Variants in PTPRK observed in about 807,000 individuals in gnomAD.
PTPRK encodes the protein receptor-type tyrosine-protein phosphatase kappa.
In PTPRK, 75 loss-of-function variants were observed where a neutral mutation model predicts 178.0. The ratio of observed to expected loss-of-function variants is 0.42; its 90% CI spans 0.35 to 0.51. PTPRK has a LOEUF of 0.51. Among genes scored for constraint, PTPRK ranks in the 20% least tolerant of loss-of-function variants. PTPRK has a pLI of 0.02. For missense variants in PTPRK, 1,441 were observed against 1,797.8 expected (o/e 0.80, Z 3.59); for synonymous variants, 637 against 620.6 (o/e 1.03, Z -0.39).
At chr6:128,033,721 T>A (rs576667577) in intron 13 of PTPRK, among the ~76,000 whole-genome samples, 1 of 152,056 alleles carries the variant, frequency 6.6e-6, no homozygotes, top group Non-Finnish European at 1.5e-5. Flanking sequence ...AAAATAAAAT[T>A]GTTTAATTAG....
At chr6:128,082,299 G>A in intron 10 of PTPRK, 138 bp downstream of exon 10, 5 of 718,226 alleles carry the variant, frequency 7.0e-6, no homozygotes, top group East Asian at 5.4e-5. Flanking sequence ...TATTTAAAGT[G>A]CTTTCATTTA....
chr6:128,495,829 C>G (rs1388389282), intron 1 of PTPRK, among the ~76,000 whole-genome samples: 1 of 152,174 alleles, frequency 6.6e-6, no homozygotes, highest in South Asian at 2.1e-4. Context: ...ACGCCTCTTC[C>G]CCAGCCATAG....
chr6:128,347,695 G>A (rs542107896), intron 2 of PTPRK, among the ~76,000 whole-genome samples: 145 of 151,984 alleles, frequency 9.5e-4, no homozygotes, highest in African/African-American at 3.2e-3. Flanking sequence ...GTTTTTCCTC[G>A]TGTAAAACAT....
chr6:128,123,567 TG>T (rs563465777), intron 7 of PTPRK, among the ~76,000 whole-genome samples: 6 of 152,232 alleles, frequency 3.9e-5, no homozygotes, highest in Non-Finnish European at 8.8e-5. Context: ...TACATTAACA[TG>T]GTATGTTTGT....
chr6:128,376,054 G>A (rs1837027496), intron 2 of PTPRK, among the ~76,000 whole-genome samples: 1 of 152,074 alleles, frequency 6.6e-6, no homozygotes, highest in Non-Finnish European at 1.5e-5. Context: ...GCTTTTCCAG[G>A]CACACAATGC....
chr6:128,463,216 C>T (rs1307659224), intron 1 of PTPRK, among the ~76,000 whole-genome samples: 1 of 152,150 alleles, frequency 6.6e-6, no homozygotes, highest in Non-Finnish European at 1.5e-5. Context: ...AGAAAAGGTT[C>T]AGAATTTATT....
intron 2 of PTPRK, among the ~76,000 whole-genome samples, chr6:128,341,979 G>T (rs1429489156): frequency 6.6e-6 from 1 of 152,114 alleles, no homozygotes; most frequent in South Asian, 2.1e-4. Flanking sequence ...ACGGCCAGTC[G>T]CAGTGGCTCA....
At chr6:128,069,597 A>G (rs1045869889) in intron 11 of PTPRK, among the ~76,000 whole-genome samples, 2 of 152,178 alleles carry the variant, frequency 1.3e-5, no homozygotes, top group Admixed American at 6.6e-5. Context: ...AAACTCCCTC[A>G]TACATGCTCT....
Position 128,057,313 on chromosome 6 carries a change from G to A in PTPRK, c.2194+7445C>T, listed in dbSNP as rs574850912. Among the ~76,000 whole-genome samples the A allele has an allele frequency of 9.2e-5, 14 of 152,314 alleles. No homozygotes were observed. The South Asian group carries it at 2.9e-3, about 32-fold the overall frequency. ...GGACTAAGACTGAAATTCTTGGAAA[G>A]GGCGGCTTGCAAAGTTGACCTTGGA... On this transcript the variant is annotated intron_variant, in intron 13 of 29. Transcript: ENST00000368226.
At chr6:128,357,741 G>C (rs1210784677) in intron 2 of PTPRK, among the ~76,000 whole-genome samples, 2 of 152,218 alleles carry the variant, frequency 1.3e-5, no homozygotes, top group Non-Finnish European at 2.9e-5. Flanking sequence ...GAAAGCTACA[G>C]TGTTTCCATT....
At chr6:128,033,949 C>T (rs2114808085) in intron 13 of PTPRK, among the ~76,000 whole-genome samples, 1 of 152,154 alleles carries the variant, frequency 6.6e-6, no homozygotes, top group South Asian at 2.1e-4. Flanking sequence ...TGATTAGAGT[C>T]CTCTGAGTGC....
intron 13 of PTPRK, among the ~76,000 whole-genome samples, chr6:128,029,911 C>T (rs964195012): frequency 6.6e-6 from 1 of 151,998 alleles, no homozygotes; most frequent in African/African-American, 2.4e-5. Context: ...GATTTGGATG[C>T]ACATGATTTA....
At chr6:128,287,040 T>G (rs889603721) in intron 3 of PTPRK, among the ~76,000 whole-genome samples, 23 of 152,180 alleles carry the variant, frequency 1.5e-4, no homozygotes, top group Admixed American at 2.6e-4. Context: ...CAATTTGAAA[T>G]GATCCCTCTG....
intron 6 of PTPRK, among the ~76,000 whole-genome samples, chr6:128,214,696 G>C (rs996499198): frequency 6.6e-6 from 1 of 152,024 alleles, no homozygotes; most frequent in African/African-American, 2.4e-5. Flanking sequence ...CAAAATCATA[G>C]ACTACAAAGT....
At chr6:128,322,922 C>T (rs1004474886) in intron 2 of PTPRK, among the ~76,000 whole-genome samples, 25 of 151,964 alleles carry the variant, frequency 1.6e-4, no homozygotes, top group African/African-American at 6.0e-4. Flanking sequence ...AGTATGAGGG[C>T]TAAAGTTAAA....
In PTPRK at chr6:127,998,906, T is replaced by A. The variant is rs781430375; in HGVS notation, c.2495-2A>T. On this transcript the variant is annotated splice_acceptor_variant, in intron 15 of 29. Coordinates refer to ENST00000368226, the MANE Select transcript of PTPRK (RefSeq NM_002844.4). LOFTEE classifies it high-confidence loss of function. ...CTGCTGTAGCACTGTGGTTCTCATC[T>A]GGCATTTTTCAGATTTCAGAAGATT... 6.6e-7 allele frequency: 1 copy of A among 1,521,902 alleles called. No homozygotes were observed. The highest frequency in any genetic ancestry group is 8.8e-7 in the Non-Finnish European group (1 of 1,130,034). 94.3% of individuals were successfully genotyped at this position (1,521,902 alleles called of 1,614,324 possible).
At chr6:128,297,795 C>T (rs1472840061) in intron 3 of PTPRK, among the ~76,000 whole-genome samples, 3 of 152,060 alleles carry the variant, frequency 2.0e-5, no homozygotes, top group South Asian at 4.2e-4. Context: ...AATTGACACC[C>T]TAACATCACA....
chr6:128,481,730 T>C (rs1030301374), intron 1 of PTPRK, among the ~76,000 whole-genome samples: 2 of 152,080 alleles, frequency 1.3e-5, no homozygotes, highest in Non-Finnish European at 2.9e-5. Flanking sequence ...TATAATACTG[T>C]TGACTTGTTG....
intron 13 of PTPRK, among the ~76,000 whole-genome samples, chr6:128,014,428 C>A (rs938778022): frequency 3.5e-5 from 5 of 140,848 alleles, no homozygotes; most frequent in African/African-American, 1.3e-4. Flanking sequence ...AAGTGAGAAT[C>A]TTTTAGAGTG....
Sources: allele counts gnomAD v4.1 joint callset (sites outside exome capture counted in the v4.1 genomes callset), GRCh38; gene constraint gnomAD v4.1.1; transcripts MANE v1.5; gene names NCBI Gene and HGNC (gene_info 2026-07-23, HGNC 2026-07-21).